The following SLC22A3 variants were observed in gnomAD, a reference collection of about 807,000 sequenced individuals.
SLC22A3 encodes the protein EMT organic cation transporter 3.
A neutral mutation model predicts 59.1 loss-of-function variants in SLC22A3; 51 were observed. That is an observed-to-expected ratio of 0.86 (90% CI 0.69 to 1.09). SLC22A3 has a LOEUF of 1.09. Ranked by LOEUF, SLC22A3 falls within the 50% of genes least tolerant of loss-of-function variation. SLC22A3 has a pLI of 0.00. For synonymous variants in SLC22A3, 325 were observed against 292.0 expected, an observed-to-expected ratio of 1.11 and a Z score of -1.15; for missense variants, 711 against 726.3, an observed-to-expected ratio of 0.98 and a Z score of 0.24.
intron 1 of SLC22A3, among the ~76,000 whole-genome samples, chr6:160,387,504 T>G (rs1444838548): frequency 1.3e-5 from 2 of 152,196 alleles, no homozygotes; most frequent in East Asian, 3.8e-4. Flanking sequence ...AAAGATTTCT[T>G]TGCTACAGGA....
In SLC22A3 at chr6:160,443,618, T is replaced by G. The variant is rs201078495; in HGVS notation, c.1398-12T>G. ...AAATAGTTTTCACTTAAAATTACTT[T>G]TCATTCAACAGAAATTTCGGAGTTT... On this transcript the variant is annotated splice_polypyrimidine_tract_variant and intron_variant, in intron 8 of 10. Coordinates refer to ENST00000275300, the MANE Select transcript of SLC22A3 (RefSeq NM_021977.4). 1,060 of 1,579,400 alleles carry G rather than the reference T, an allele frequency of 6.7e-4. 7 individuals are homozygous for G. The highest frequency in any genetic ancestry group is 1.5e-4 in the Non-Finnish European group (177 of 1,148,680).
rs367559514 is a variant in SLC22A3 at position 160,451,375 on chromosome 6, GC to G, written c.*324del. 2,268 of 301,856 alleles carry G rather than the reference GC, an allele frequency of 7.5e-3. 48 individuals are homozygous for G. In the Middle Eastern group the frequency reaches 0.078, roughly 10 times the overall value. The allele number at this position is 301,856 out of a possible 1,614,324, so 18.7% of individuals were successfully genotyped here. A position where few individuals can be genotyped will look rare whatever the true frequency, so the allele number is the denominator to read the frequency against. On this transcript the variant is annotated 3_prime_UTR_variant, in exon 11 of 11. Transcript: ENST00000275300. ...ATTAGGCTAAAGAGAGACAAGAGAAGCCCCCAACCTGATTCTCATGACAGCT... is the reference window on the plus strand; with the variant it reads ...ATTAGGCTAAAGAGAGACAAGAGAAGCCCCAACCTGATTCTCATGACAGCT...
In SLC22A3 at chr6:160,407,053, C is replaced by T. The variant is rs762009392; in HGVS notation, c.546C>T (p.Ile182=). 6.2e-6 allele frequency: 10 copies of T among 1,612,814 alleles called. No homozygotes were observed. The African/African-American group carries it at 8.0e-5, about 13-fold the overall frequency. ...CTTTCTCAAAAAGGTATGGCAGGAT[C>T]GTCATTTACTTGCTATCCTGCCTTG... ...LGYAADRYGR[I]VIYLLSCLGV... Residue 182 remains isoleucine (I), a synonymous_variant, in exon 3 of 11, where the codon ATC becomes ATT. Coordinates refer to ENST00000275300, the MANE Select transcript of SLC22A3 (RefSeq NM_021977.4).
chr6:160,381,537 T>C (rs1377621324), intron 1 of SLC22A3, among the ~76,000 whole-genome samples: 3 of 152,206 alleles, frequency 2.0e-5, no homozygotes, highest in African/African-American at 7.2e-5. Context: ...TAAACACTAA[T>C]AGTTAAAAGT....
intron 1 of SLC22A3, among the ~76,000 whole-genome samples, chr6:160,371,938 C>T (rs997666907): frequency 1.3e-4 from 19 of 151,958 alleles, no homozygotes; most frequent in Admixed American, 2.0e-4. Flanking sequence ...TGATGACAAG[C>T]TTTTTTTTCA....
chr6:160,433,224 C>CA (rs1788217637), intron 5 of SLC22A3, among the ~76,000 whole-genome samples: 1 of 152,092 alleles, frequency 6.6e-6, no homozygotes, highest in Non-Finnish European at 1.5e-5. Context: ...ATTTTCTTGT[C>CA]AAAATCTAAC....
At chr6:160,391,667 C>T (rs1786262859) in intron 1 of SLC22A3, among the ~76,000 whole-genome samples, 2 of 152,190 alleles carry the variant, frequency 1.3e-5, no homozygotes, top group Admixed American at 6.5e-5. Flanking sequence ...CGTCTTTAGA[C>T]AGTCTCAGTT....
At chr6:160,417,896 C>A (rs1193256812) in intron 5 of SLC22A3, among the ~76,000 whole-genome samples, 1 of 152,202 alleles carries the variant, frequency 6.6e-6, no homozygotes, top group African/African-American at 2.4e-5. Context: ...GTTGACCTAG[C>A]AAAGCTTCCT....
In SLC22A3 at chr6:160,348,542, C is replaced by A; in HGVS notation, c.123C>A (p.Phe41Leu). The change falls in exon 1 of 11, where the codon TTC (phenylalanine) becomes TTA (leucine). Residue 41 changes from phenylalanine to leucine, a missense_variant. Phe to Leu is a conservative substitution (Grantham distance 22). Coordinates refer to ENST00000275300, the MANE Select transcript of SLC22A3 (RefSeq NM_021977.4). ...TFAFLFVGVVFLGTQPDHYWC... is the reference protein window; with the variant it reads ...TFAFLFVGVVLLGTQPDHYWC... ...CCTTCCTCTTCGTCGGCGTGGTCTT[C>A]CTGGGCACGCAGCCCGACCACTACT... 2 of 1,558,840 alleles carry A rather than the reference C, an allele frequency of 1.3e-6. No individual in the cohort carries two copies. Among genetic ancestry groups the A allele is most frequent in the South Asian group, 1.2e-5 (1 of 86,208 alleles).
At chr6:160,439,440 CTAT>C (rs1257647752) in intron 7 of SLC22A3, among the ~76,000 whole-genome samples, 1 of 152,084 alleles carries the variant, frequency 6.6e-6, no homozygotes, top group Admixed American at 6.6e-5. Flanking sequence ...ATACTTTACT[CTAT>C]AAGATTTTCT....
chr6:160,427,710 A>G (rs1315008399), intron 5 of SLC22A3, among the ~76,000 whole-genome samples: 1 of 152,236 alleles, frequency 6.6e-6, no homozygotes, highest in Non-Finnish European at 1.5e-5. Flanking sequence ...CTTGTGATAA[A>G]GCAGAGGATT....
intron 5 of SLC22A3, among the ~76,000 whole-genome samples, chr6:160,416,273 C>A (rs1787485381): frequency 6.6e-6 from 1 of 152,066 alleles, no homozygotes; most frequent in Non-Finnish European, 1.5e-5. Context: ...ATCCCAAAAT[C>A]AAAAACCAAT....
chr6:160,403,697 A>G (rs768171485), intron 2 of SLC22A3, among the ~76,000 whole-genome samples: 2 of 151,912 alleles, frequency 1.3e-5, no homozygotes, highest in Non-Finnish European at 2.9e-5. Flanking sequence ...ATACACCACA[A>G]CCAAATACTG....
At chr6:160,394,627 G>T (rs868681265) in intron 1 of SLC22A3, among the ~76,000 whole-genome samples, 1 of 152,184 alleles carries the variant, frequency 6.6e-6, no homozygotes, top group Non-Finnish European at 1.5e-5. Flanking sequence ...TTCTACCTTT[G>T]AAAGATGGCA....
chr6:160,348,922 G>T, intron 1 of SLC22A3, 74 bp downstream of exon 1: 2 of 1,533,042 alleles, frequency 1.3e-6, no homozygotes, highest in Non-Finnish European at 1.7e-6. Flanking sequence ...AGCCGCGTGT[G>T]AGACGCTGGC....
rs144266121 is a variant in SLC22A3, at chr6:160,402,011, C to T, written c.533+3929C>T. ...AACAAATAGAAGATGATAACAAATACGGTAGACATTAATCCAACCATGCCA... is the reference window on the plus strand; with the variant it reads ...AACAAATAGAAGATGATAACAAATATGGTAGACATTAATCCAACCATGCCA... On this transcript the variant is annotated intron_variant, in intron 2 of 10. Coordinates refer to ENST00000275300, the MANE Select transcript of SLC22A3 (RefSeq NM_021977.4). Among the ~76,000 whole-genome samples, 269 of 151,886 alleles carry T rather than the reference C, an allele frequency of 1.8e-3. 2 individuals are homozygous for T. The Middle Eastern group carries it at 0.02, about 12-fold the overall frequency.
intron 1 of SLC22A3, among the ~76,000 whole-genome samples, chr6:160,356,130 C>T (rs1358172085): frequency 6.6e-6 from 1 of 152,218 alleles, no homozygotes; most frequent in Non-Finnish European, 1.5e-5. Context: ...AGAGATTAAC[C>T]CAGGCCCTCT....
At chr6:160,386,455 T>A (rs917398346) in intron 1 of SLC22A3, among the ~76,000 whole-genome samples, 1 of 152,254 alleles carries the variant, frequency 6.6e-6, no homozygotes, top group Non-Finnish European at 1.5e-5. Flanking sequence ...TTTGTCCTTA[T>A]TCTGAGAAAA....
At chr6:160,446,526 A>T (rs1409854095) in intron 9 of SLC22A3, among the ~76,000 whole-genome samples, 1 of 152,180 alleles carries the variant, frequency 6.6e-6, no homozygotes, top group Non-Finnish European at 1.5e-5. Context: ...ATTACCACTT[A>T]TAAATCCATC....
Sources: allele counts gnomAD v4.1 joint callset (sites outside exome capture counted in the v4.1 genomes callset), GRCh38; gene constraint gnomAD v4.1.1; transcripts MANE v1.5; gene names NCBI Gene and HGNC (gene_info 2026-07-23, HGNC 2026-07-21).